The following MYO3A variants were observed in gnomAD, a reference collection of about 807,000 sequenced individuals.
The protein encoded by MYO3A is myosin IIIA, also known as myosin-IIIa.
In MYO3A, 180 loss-of-function variants were observed where a neutral mutation model predicts 192.7. The ratio of observed to expected loss-of-function variants is 0.93; its 90% CI spans 0.83 to 1.06. MYO3A has a LOEUF of 1.06. Among genes scored for constraint, MYO3A ranks in the 50% least tolerant of loss-of-function variants. MYO3A has a pLI of 0.00. For synonymous variants in MYO3A, 628 were observed against 645.3 expected, an observed-to-expected ratio of 0.97 and a Z score of 0.41; for missense variants, 1,896 against 1,905.0, an observed-to-expected ratio of 1.00 and a Z score of 0.09.
intron 2 of MYO3A, among the ~76,000 whole-genome samples, chr10:25,941,271 C>T: frequency 6.6e-6 from 1 of 152,152 alleles, no homozygotes; most frequent in East Asian, 1.9e-4. Flanking sequence ...TTCTGTCCTA[C>T]AGGGACAGGG....
In MYO3A at chr10:26,176,684, C is replaced by T. The variant is rs1435700406; in HGVS notation, c.4294-17C>T. On this transcript the variant is annotated splice_polypyrimidine_tract_variant and intron_variant, in intron 30 of 34. Transcript: ENST00000642920. Reference sequence around the variant, plus strand: ...TTCTTTTCCTTGATTTAACCTGACACATGACCTTCTTTTTAGATATCAAAG... The same window carrying T: ...TTCTTTTCCTTGATTTAACCTGACATATGACCTTCTTTTTAGATATCAAAG... The T allele has an allele frequency of 1.2e-6, 2 of 1,603,466 alleles. No homozygotes were observed. Among genetic ancestry groups the T allele is most frequent in the Non-Finnish European group, 1.7e-6 (2 of 1,170,860 alleles).
At chr10:25,936,639 G>C (rs1836087568) in intron 2 of MYO3A, among the ~76,000 whole-genome samples, 1 of 152,046 alleles carries the variant, frequency 6.6e-6, no homozygotes, top group African/African-American at 2.4e-5. Context: ...TACTACTTTG[G>C]CGACACATTG....
intron 2 of MYO3A, among the ~76,000 whole-genome samples, chr10:25,941,337 A>G (rs1448233676): frequency 6.6e-6 from 1 of 152,200 alleles, no homozygotes; most frequent in Non-Finnish European, 1.5e-5. Flanking sequence ...CAAAGAAAGC[A>G]GAGGAAAAAT....
chr10:26,171,800 G>A (rs78012341), intron 29 of MYO3A, among the ~76,000 whole-genome samples: 11,227 of 152,202 alleles, frequency 0.074, 462 homozygotes, highest in Non-Finnish European at 0.089. Context: ...GCTGCAAATC[G>A]AAGAAAGATG....
intron 10 of MYO3A, among the ~76,000 whole-genome samples, chr10:26,033,079 T>TATTTC (rs1842873927): frequency 6.6e-6 from 1 of 152,140 alleles, no homozygotes. Flanking sequence ...TATTTTATTT[T>TATTTC]ATTTATTTTT....
chr10:26,102,583 G>A (rs1035552228), intron 17 of MYO3A, among the ~76,000 whole-genome samples: 1 of 152,190 alleles, frequency 6.6e-6, no homozygotes, highest in Non-Finnish European at 1.5e-5. Context: ...GGCTTTTGGT[G>A]TGTATGTCCT....
intron 10 of MYO3A, among the ~76,000 whole-genome samples, chr10:26,032,785 G>A (rs1432399811): frequency 6.6e-6 from 1 of 151,916 alleles, no homozygotes; most frequent in African/African-American, 2.4e-5. Flanking sequence ...GTAATAATAG[G>A]GTTCCTTCCA....
intron 17 of MYO3A, among the ~76,000 whole-genome samples, chr10:26,113,476 C>CAA (rs5783961): frequency 0.13 from 17,539 of 138,060 alleles, 1,352 homozygotes; most frequent in Middle Eastern, 0.18. Flanking sequence ...CTCAAAAAAA[C>CAA]AAAAAAAAAA....
At chr10:26,149,442 C>T (rs1253224676) in intron 23 of MYO3A, among the ~76,000 whole-genome samples, 1 of 152,012 alleles carries the variant, frequency 6.6e-6, no homozygotes, top group Non-Finnish European at 1.5e-5. Flanking sequence ...ACCATGTTGG[C>T]CAAGCTGGTA....
chr10:26,084,824 G>C (rs186394124), intron 14 of MYO3A, among the ~76,000 whole-genome samples: 161 of 152,328 alleles, frequency 1.1e-3, no homozygotes, highest in African/African-American at 3.7e-3. Context: ...CTTTTTAGAA[G>C]AGTTTAAGAA....
At chr10:26,016,717 G>A in intron 6 of MYO3A, 103 bp from the exon 7 acceptor site, 1 of 1,140,890 alleles carries the variant, frequency 8.8e-7, no homozygotes, top group Non-Finnish European at 1.3e-6. Flanking sequence ...GCAGGTTTGA[G>A]GAAATGGAAT....
At chr10:26,069,249 T>C (rs993317222) in intron 12 of MYO3A, among the ~76,000 whole-genome samples, 4 of 152,200 alleles carry the variant, frequency 2.6e-5, no homozygotes, top group Admixed American at 1.3e-4. Flanking sequence ...GTCAAAAGTA[T>C]AATTACATTG....
intron 4 of MYO3A, among the ~76,000 whole-genome samples, chr10:25,966,358 A>G (rs1838269443): frequency 6.6e-6 from 1 of 152,192 alleles, no homozygotes. Flanking sequence ...AATATTGAAT[A>G]GAGAACAAGA....
At chr10:25,988,197 T>C (rs576088614) in intron 4 of MYO3A, among the ~76,000 whole-genome samples, 2 of 152,086 alleles carry the variant, frequency 1.3e-5, no homozygotes, top group South Asian at 2.1e-4. Context: ...ACACTGGACA[T>C]TGGGGACTCG....
chr10:26,125,153 A>T (rs1182774120), intron 18 of MYO3A, among the ~76,000 whole-genome samples: 2 of 152,238 alleles, frequency 1.3e-5, no homozygotes, highest in African/African-American at 4.8e-5. Context: ...TTACTCTGCC[A>T]GCCAGTGTGA....
intron 10 of MYO3A, among the ~76,000 whole-genome samples, chr10:26,050,144 T>G (rs1843904120): frequency 6.6e-6 from 1 of 152,018 alleles, no homozygotes; most frequent in African/African-American, 2.4e-5. Context: ...TTACAAAAAT[T>G]TATATCCTTT....
At chr10:25,997,079 T>G (rs1011906681) in intron 5 of MYO3A, 80 bp from the exon 6 acceptor site, 16 of 1,074,764 alleles carry the variant, frequency 1.5e-5, no homozygotes, top group Non-Finnish European at 4.3e-6. Context: ...TTCCTATTGA[T>G]TTTGTACAGG....
intron 17 of MYO3A, among the ~76,000 whole-genome samples, chr10:26,116,502 G>A (rs541207818): frequency 2.6e-5 from 4 of 152,274 alleles, no homozygotes; most frequent in East Asian, 1.9e-4. Context: ...ATAAGACCAC[G>A]TTCTGAGTAC....
At chr10:26,051,443 C>A (rs1267608542) in intron 10 of MYO3A, among the ~76,000 whole-genome samples, 1 of 151,456 alleles carries the variant, frequency 6.6e-6, no homozygotes, top group African/African-American at 2.4e-5. Context: ...ATCGTTGCTA[C>A]TGGCTTGTAA....
Sources: allele counts gnomAD v4.1 joint callset (sites outside exome capture counted in the v4.1 genomes callset), GRCh38; gene constraint gnomAD v4.1.1; transcripts MANE v1.5; gene names NCBI Gene and HGNC (gene_info 2026-07-23, HGNC 2026-07-21).